EPN2: variants seen among roughly 807,000 people sequenced by gnomAD.
The protein encoded by EPN2 is epsin-2.
EPN2 carries 34 observed loss-of-function variants against 61.7 expected under a neutral mutation model. That is an observed-to-expected ratio of 0.55 (90% CI 0.42 to 0.73). EPN2 has a LOEUF of 0.73. Ranked by LOEUF, EPN2 falls within the 30% of genes least tolerant of loss-of-function variation. The pLI, the probability that EPN2 is intolerant of heterozygous loss-of-function variation, is 0.00. For synonymous variants in EPN2, 349 were observed against 353.6 expected (o/e 0.99, Z 0.15); for missense variants, 714 against 839.2 (o/e 0.85, Z 1.84).
intron 1 of EPN2, among the ~76,000 whole-genome samples, chr17:19,241,584 C>CAAAAAAAAAAAAA (rs767439856): frequency 1.7e-5 from 1 of 60,084 alleles, no homozygotes; most frequent in Non-Finnish European, 3.7e-5. Flanking sequence ...GACTCTGTCT[C>CAAAAAAAAAAAAA]AAAAAAAAAA....
At chr17:19,251,021 C>T (rs2045009783) in intron 1 of EPN2, among the ~76,000 whole-genome samples, 1 of 152,144 alleles carries the variant, frequency 6.6e-6, no homozygotes, top group South Asian at 2.1e-4. Flanking sequence ...GATTCCTTGT[C>T]TCTTGTCCCC....
At chr17:19,261,383 G>C (rs1010901452) in intron 1 of EPN2, among the ~76,000 whole-genome samples, 1 of 152,202 alleles carries the variant, frequency 6.6e-6, no homozygotes, top group African/African-American at 2.4e-5. Context: ...ACCATTTATA[G>C]TTTTCTGTGG....
At position 19,334,010 on chromosome 17, in the gene EPN2, CGCTGACACTGAACCA is replaced by C. The variant is rs1255937389; in HGVS notation, c.1686_1700del (p.Thr563_Leu567del). The C allele has an allele frequency of 6.3e-7, 1 of 1,593,592 alleles. No homozygotes were observed. The highest frequency in any genetic ancestry group is 8.6e-7 in the Non-Finnish European group (1 of 1,167,030). ...CCTTTCCAGGTGAACCAGCCCCAGCCGCTGACACTGAACCAGCTTCGGGGGAGCCCAGTCCTGGGG... is the reference window on the plus strand; with the variant it reads ...CCTTTCCAGGTGAACCAGCCCCAGCCGCTTCGGGGGAGCCCAGTCCTGGGG... On this transcript the variant is annotated inframe_deletion, in exon 11 of 11. Coordinates refer to ENST00000314728, the MANE Select transcript of EPN2 (RefSeq NM_014964.5). This position sits in a 1 kb window ranked among gnomAD's most constrained non-coding sequence, Gnocchi z 4.9.
intron 4 of EPN2, chr17:19,297,077 G>C (rs2045527435): frequency 6.6e-6 from 1 of 152,190 alleles, no homozygotes; most frequent in South Asian, 2.1e-4. Context: ...GTATTCCTCT[G>C]GGTGAAGATC....
At chr17:19,317,339 G>C (rs1214523577) in intron 7 of EPN2, among the ~76,000 whole-genome samples, 1 of 152,218 alleles carries the variant, frequency 6.6e-6, no homozygotes, top group South Asian at 2.1e-4. Context: ...TCTGAGGAGG[G>C]CTTATAGCCT....
At chr17:19,265,289 A>G (rs28621874) in intron 1 of EPN2, among the ~76,000 whole-genome samples, 4,873 of 151,736 alleles carry the variant, frequency 0.032, 269 homozygotes, top group African/African-American at 0.11. Flanking sequence ...GAGGTAAGAG[A>G]ATCACTTGTG....
intron 7 of EPN2, among the ~76,000 whole-genome samples, chr17:19,314,454 G>T (rs1331488073): frequency 6.6e-6 from 1 of 152,158 alleles, no homozygotes; most frequent in East Asian, 1.9e-4. Flanking sequence ...ACGGAGTGGT[G>T]GAGTGGGTGC....
At chr17:19,326,541 G>T (rs1906877022) in intron 7 of EPN2, among the ~76,000 whole-genome samples, 1 of 152,046 alleles carries the variant, frequency 6.6e-6, no homozygotes, top group Non-Finnish European at 1.5e-5. Flanking sequence ...CAAAAAATAA[G>T]CTGGGTGTGG....
intron 7 of EPN2, among the ~76,000 whole-genome samples, chr17:19,323,360 A>G (rs1906731164): frequency 6.6e-6 from 1 of 152,230 alleles, no homozygotes; most frequent in Non-Finnish European, 1.5e-5. Context: ...GACACCTAAC[A>G]CATATCTGTT....
chr17:19,280,219 G>C (rs1207378672), intron 1 of EPN2, among the ~76,000 whole-genome samples: 7 of 152,182 alleles, frequency 4.6e-5, no homozygotes, highest in African/African-American at 1.7e-4. Context: ...ACATCAAATG[G>C]AACAACAAAT....
chr17:19,304,317 C>T (rs142438921), intron 4 of EPN2, among the ~76,000 whole-genome samples: 58 of 152,308 alleles, frequency 3.8e-4, no homozygotes, highest in African/African-American at 1.1e-3. Flanking sequence ...AGGATGATGT[C>T]ACCACATTGA....
At chr17:19,278,069 C>CT (rs1481138026) in intron 1 of EPN2, among the ~76,000 whole-genome samples, 4 of 22,600 alleles carry the variant, frequency 1.8e-4, no homozygotes, top group African/African-American at 9.0e-4. Context: ...GAGACTATGT[C>CT]TCAAAAAAAA....
At chr17:19,273,979 C>T (rs1254140959) in intron 1 of EPN2, 2 of 152,214 alleles carry the variant, frequency 1.3e-5, no homozygotes, top group Non-Finnish European at 2.9e-5. Flanking sequence ...GTGGTTTGGT[C>T]ATGTGGTCTG....
intron 10 of EPN2, among the ~76,000 whole-genome samples, chr17:19,332,442 C>G (rs551152174): frequency 2.6e-5 from 4 of 152,012 alleles, no homozygotes; most frequent in Admixed American, 6.6e-5. Flanking sequence ...ATTCCTCTCT[C>G]GGGAAAAATG....
chr17:19,291,326 G>A (rs1029851229), intron 4 of EPN2, among the ~76,000 whole-genome samples: 1 of 152,150 alleles, frequency 6.6e-6, no homozygotes, highest in Non-Finnish European at 1.5e-5. Flanking sequence ...CCAGGCCTTC[G>A]GGCCATGCCT....
intron 4 of EPN2, among the ~76,000 whole-genome samples, chr17:19,297,978 C>T (rs191683379): frequency 6.6e-6 from 1 of 152,086 alleles, no homozygotes; most frequent in Admixed American, 6.6e-5. Flanking sequence ...TGGGTTCAAG[C>T]GATTCTTTTG....
chr17:19,296,123 C>T (rs2045517216), intron 4 of EPN2, among the ~76,000 whole-genome samples: 1 of 152,120 alleles, frequency 6.6e-6, no homozygotes, highest in South Asian at 2.1e-4. Flanking sequence ...TCTCCAAGTA[C>T]AGTGAGGGCA....
chr17:19,263,324 C>A (rs201240125), intron 1 of EPN2, among the ~76,000 whole-genome samples: 6,070 of 152,178 alleles, frequency 0.04, 508 homozygotes, highest in East Asian at 0.27. Flanking sequence ...GAAGTGGGGC[C>A]CATCCCTGGG....
chr17:19,241,348 G>A (rs1262827757), intron 1 of EPN2, among the ~76,000 whole-genome samples: 1 of 152,116 alleles, frequency 6.6e-6, no homozygotes, highest in Non-Finnish European at 1.5e-5. Context: ...ACTTTGGGAG[G>A]CCAAAGCGGC....
Sources: gnomAD v4.1 joint callset for allele counts (sites outside exome capture counted in the v4.1 genomes callset) on GRCh38, gnomAD v4.1.1 for gene constraint, Gnocchi (gnomAD v3.1) non-coding constraint, MANE v1.5 for transcripts, NCBI Gene and HGNC (gene_info 2026-07-23, HGNC 2026-07-21) for gene names.